Variants in SYNPR observed in about 807,000 individuals in gnomAD.
SYNPR encodes the protein synaptoporin.
SYNPR carries 23 observed loss-of-function variants against 32.9 expected under a neutral mutation model. The ratio of observed to expected loss-of-function variants is 0.70; its 90% CI spans 0.50 to 0.99. The LOEUF is 0.99. Ranked by LOEUF, SYNPR falls within the 50% of genes least tolerant of loss-of-function variation. The pLI, the probability that SYNPR is intolerant of heterozygous loss-of-function variation, is 0.00. For missense variants in SYNPR, 318 were observed against 349.3 expected (o/e 0.91, Z 0.71); for synonymous variants, 146 against 135.9 (o/e 1.07, Z -0.52).
At chr3:63,577,643 G>T (rs1461502167) in intron 4 of SYNPR, among the ~76,000 whole-genome samples, 1 of 152,090 alleles carries the variant, frequency 6.6e-6, no homozygotes, top group African/African-American at 2.4e-5. Context: ...GTGTGAGTGG[G>T]GGTATGTGAA....
At chr3:63,425,279 G>A (rs932832398) in intron 2 of SYNPR, among the ~76,000 whole-genome samples, 6 of 152,150 alleles carry the variant, frequency 3.9e-5, no homozygotes, top group African/African-American at 7.2e-5. Context: ...TCCACCCAAA[G>A]AGTAGTCAGC....
chr3:63,208,630 G>A, the SYNPR span, among the ~76,000 whole-genome samples: 1 of 152,174 alleles, frequency 6.6e-6, no homozygotes, highest in African/African-American at 2.4e-5. Context: ...CTCAAATACT[G>A]TTCCAGGAGA....
In SYNPR at chr3:63,550,607, C is replaced by A. The variant is rs559815359; in HGVS notation, c.210-5936C>A. On this transcript the variant is annotated intron_variant, in intron 3 of 5. Transcript: ENST00000478300. ...TGCATATTTTTAAAAATATTTTATT[C>A]TCTCCCTCCCCACTGTCTCCACCAC... Among the ~76,000 whole-genome samples the A allele has an allele frequency of 8.5e-5, 13 of 152,178 alleles. No homozygotes were observed. In the South Asian group the frequency reaches 2.3e-3, roughly 27 times the overall value.
intron 2 of SYNPR, chr3:63,445,416 A>C (rs903371119): frequency 8.9e-5 from 51 of 570,774 alleles, no homozygotes; most frequent in Non-Finnish European, 1.5e-4. Context: ...TCACTTCTGA[A>C]AGGTCCATAA....
chr3:63,487,880 G>C (rs958424599), intron 3 of SYNPR, among the ~76,000 whole-genome samples: 1 of 152,162 alleles, frequency 6.6e-6, no homozygotes, highest in Admixed American at 6.5e-5. Context: ...TCAACGAGAG[G>C]TTCCACATTG....
intron 3 of SYNPR, among the ~76,000 whole-genome samples, chr3:63,541,247 T>C (rs971714394): frequency 1.3e-5 from 2 of 151,364 alleles, no homozygotes; most frequent in Non-Finnish European, 2.9e-5. Context: ...TTTTTTTACC[T>C]CTTGGACTCA....
intron 2 of SYNPR, among the ~76,000 whole-genome samples, chr3:63,261,266 T>C (rs993822848): frequency 1.3e-5 from 2 of 152,032 alleles, no homozygotes; most frequent in Non-Finnish European, 2.9e-5. Context: ...CACATGCACA[T>C]GTATGTTTAT....
chr3:63,341,763 T>G (rs2087373049), intron 2 of SYNPR, among the ~76,000 whole-genome samples: 1 of 152,354 alleles, frequency 6.6e-6, no homozygotes, highest in African/African-American at 2.4e-5. Context: ...AGGTATGTGT[T>G]TTGCAAATAT....
chr3:63,447,941 G>A (rs1700308544), intron 2 of SYNPR, among the ~76,000 whole-genome samples: 1 of 152,058 alleles, frequency 6.6e-6, no homozygotes, highest in African/African-American at 2.4e-5. Flanking sequence ...TGATGTGTTG[G>A]GCATAAAAGG....
chr3:63,575,422 T>C (rs1302425097), intron 4 of SYNPR, among the ~76,000 whole-genome samples: 1 of 152,062 alleles, frequency 6.6e-6, no homozygotes, highest in Non-Finnish European at 1.5e-5. Flanking sequence ...TCAGCTCCTA[T>C]TCCCACATCC....
rs1258401995 is a variant in SYNPR, at chr3:63,554,125, A to G, written c.210-2418A>G. ...TTTAAGTTCTTTATAGGTTATGGAT[A>G]TTAGACCTTTGTCAGATACATAATT... On this transcript the variant is annotated intron_variant, in intron 3 of 5. Transcript: ENST00000478300. Among the ~76,000 whole-genome samples the G allele has an allele frequency of 2.0e-5, 3 of 152,210 alleles. No homozygotes were observed. The East Asian group carries it at 5.8e-4, about 29-fold the overall frequency.
In SYNPR at chr3:63,298,697, G is replaced by A. The variant is rs12635184; in HGVS notation, c.84+19955G>A. ...TGGATTCCCCAAAAACAGACTCTGA[G>A]GTAAGGATTCAAGTACCTTATTTGG... is the stretch of plus-strand genomic sequence containing the variant. On this transcript the variant is annotated intron_variant, in intron 2 of 5. Coordinates refer to ENST00000478300, the MANE Select transcript of SYNPR (RefSeq NM_001130003.2). Among the ~76,000 whole-genome samples, 126 of 152,216 alleles carry A rather than the reference G, an allele frequency of 8.3e-4. No individual in the cohort carries two copies. In the East Asian group the frequency reaches 0.02, roughly 25 times the overall value.
chr3:63,418,721 A>C lies in SYNPR; in HGVS notation c.85-62111A>C, dbSNP rs113361728. On this transcript the variant is annotated intron_variant, in intron 2 of 5. Coordinates refer to ENST00000478300, the MANE Select transcript of SYNPR (RefSeq NM_001130003.2). ...AAGCTCTCCCTTATAAAACCATTAG[A>C]TCTCGTGAGACTTATTCACTATCAC... Among the ~76,000 whole-genome samples, 947 of 152,212 alleles carry C rather than the reference A, an allele frequency of 6.2e-3. 10 individuals are homozygous for C. The highest frequency in any genetic ancestry group is 0.021 in the African/African-American group (888 of 41,540).
chr3:63,570,358 T>C (rs1338966126), intron 4 of SYNPR, among the ~76,000 whole-genome samples: 1 of 152,210 alleles, frequency 6.6e-6, no homozygotes. Flanking sequence ...ATTGTATCTC[T>C]GGCTTATAGA....
intron 3 of SYNPR, among the ~76,000 whole-genome samples, chr3:63,504,236 C>A (rs780041861): frequency 3.3e-5 from 5 of 151,998 alleles, no homozygotes; most frequent in African/African-American, 1.2e-4. Context: ...AAATTAGGAG[C>A]CCTGGTAAGC....
the SYNPR span, among the ~76,000 whole-genome samples, chr3:63,202,534 T>G: frequency 6.6e-6 from 1 of 152,144 alleles, no homozygotes; most frequent in Admixed American, 6.5e-5. Context: ...CAGAGCAAAC[T>G]TTAAACTAAA....
At chr3:63,317,114 AT>A (rs1205654902) in intron 2 of SYNPR, among the ~76,000 whole-genome samples, 1 of 151,588 alleles carries the variant, frequency 6.6e-6, no homozygotes, top group Non-Finnish European at 1.5e-5. Flanking sequence ...TATAATTTTA[AT>A]TTTCTTAAAT....
At chr3:63,250,286 T>A (rs2086321239) in intron 1 of SYNPR, among the ~76,000 whole-genome samples, 2 of 152,018 alleles carry the variant, frequency 1.3e-5, no homozygotes, top group African/African-American at 4.8e-5. Context: ...CAGTATCTCA[T>A]GCATATGTAC....
intron 2 of SYNPR, among the ~76,000 whole-genome samples, chr3:63,341,989 T>C (rs2087376034): frequency 6.6e-6 from 1 of 152,232 alleles, no homozygotes; most frequent in Non-Finnish European, 1.5e-5. Context: ...CATTACAATT[T>C]TGCATTTTAC....
Sources: allele counts gnomAD v4.1 joint callset (sites outside exome capture counted in the v4.1 genomes callset), GRCh38; gene constraint gnomAD v4.1.1; transcripts MANE v1.5; gene names NCBI Gene and HGNC (gene_info 2026-07-23, HGNC 2026-07-21).